Variants in GLI2 observed in about 807,000 individuals in gnomAD.
GLI2 encodes GLI family zinc finger 2.
A neutral mutation model predicts 78.9 loss-of-function variants in GLI2; 22 were observed. The observed-to-expected ratio is 0.28, with a 90% confidence interval of 0.20 to 0.40. GLI2 has a LOEUF of 0.40. Among genes scored for constraint, GLI2 ranks in the 10% least tolerant of loss-of-function variants. The probability of loss-of-function intolerance (pLI) is 1.00; values close to 1 mark genes in which losing one functional copy is unlikely to be tolerated. For synonymous variants in GLI2, 974 were observed against 963.7 expected, an observed-to-expected ratio of 1.01 and a Z score of -0.20; for missense variants, 2,097 against 2,213.2, an observed-to-expected ratio of 0.95 and a Z score of 1.05.
chr2:120,975,962 T>C (rs3768696), intron 9 of GLI2, among the ~76,000 whole-genome samples: 48,597 of 151,712 alleles, frequency 0.32, 8,099 homozygotes, highest in East Asian at 0.5. Flanking sequence ...CTTAGTGCCT[T>C]GCAGACATTC....
chr2:120,770,098 C>T (rs1032868140), intron 1 of GLI2, among the ~76,000 whole-genome samples: 1 of 152,300 alleles, frequency 6.6e-6, no homozygotes, highest in South Asian at 2.1e-4. Context: ...GGGTTGTATT[C>T]AGGGATCCAA....
intron 1 of GLI2, among the ~76,000 whole-genome samples, chr2:120,754,080 T>G (rs1682966981): frequency 6.6e-6 from 1 of 152,186 alleles, no homozygotes; most frequent in Non-Finnish European, 1.5e-5. Context: ...GGGATTTTAG[T>G]GTAACCATCA....
chr2:120,743,935 A>G (rs1273784420), intron 1 of GLI2, among the ~76,000 whole-genome samples: 1 of 152,254 alleles, frequency 6.6e-6, no homozygotes, highest in African/African-American at 2.4e-5. Flanking sequence ...GTGCCTGTCA[A>G]GGAATATGTC....
chr2:120,814,610 T>C (rs1409012706), intron 2 of GLI2, among the ~76,000 whole-genome samples: 2 of 152,144 alleles, frequency 1.3e-5, no homozygotes, highest in Non-Finnish European at 2.9e-5. Context: ...GGCAAGAGCA[T>C]TACCACCTGA....
intron 3 of GLI2, among the ~76,000 whole-genome samples, chr2:120,948,455 A>G (rs1680821613): frequency 1.3e-5 from 2 of 152,124 alleles, no homozygotes. Context: ...TACCTTCCCC[A>G]AATGGTGGCA....
chr2:120,766,027 C>T (rs1024580148), intron 1 of GLI2, among the ~76,000 whole-genome samples: 5 of 152,106 alleles, frequency 3.3e-5, no homozygotes, highest in Middle Eastern at 3.4e-3. Context: ...GGCAAGGTCT[C>T]GGAGACGTCT....
At chr2:120,783,749 T>C (rs1256726726) in intron 1 of GLI2, among the ~76,000 whole-genome samples, 2 of 152,108 alleles carry the variant, frequency 1.3e-5, no homozygotes, top group Non-Finnish European at 2.9e-5. Flanking sequence ...CCTCCATCCC[T>C]CTCCATACTA....
At chr2:120,790,103 T>TGTTG (rs1372163776) in intron 1 of GLI2, among the ~76,000 whole-genome samples, 4 of 152,224 alleles carry the variant, frequency 2.6e-5, no homozygotes, top group Non-Finnish European at 5.9e-5. Context: ...ATGGGAACCA[T>TGTTG]GGATCCCAGG....
intron 4 of GLI2, among the ~76,000 whole-genome samples, chr2:120,954,932 T>C (rs1332479685): frequency 2.6e-5 from 4 of 152,052 alleles, no homozygotes; most frequent in Non-Finnish European, 5.9e-5. Flanking sequence ...CCTGTTGGCA[T>C]GGGGCTCCGG....
At chr2:120,770,368 G>T (rs983477300) in intron 1 of GLI2, among the ~76,000 whole-genome samples, 2 of 152,184 alleles carry the variant, frequency 1.3e-5, no homozygotes, top group African/African-American at 4.8e-5. Flanking sequence ...CCAGCTTCAG[G>T]ACCCATAGGG....
chr2:120,861,852 C>T (rs1251443151), intron 2 of GLI2, among the ~76,000 whole-genome samples: 1 of 152,222 alleles, frequency 6.6e-6, no homozygotes, highest in Admixed American at 6.5e-5. Context: ...CGCCTGACCA[C>T]AGTGGAATTG....
chr2:120,978,597 TC>T lies in GLI2; in HGVS notation c.1467+18del. On this transcript the variant is annotated intron_variant, in intron 10 of 13. Coordinates refer to ENST00000361492, the MANE Select transcript of GLI2 (RefSeq NM_001374353.1). ...CACAAGTGCACGGTGAGTGGCCTTC[TC>T]CCCACCCCCGCCGCAGCATCAAGAC... 1 of 1,607,896 alleles carries T rather than the reference TC, an allele frequency of 6.2e-7. No homozygotes were observed. The highest frequency in any genetic ancestry group is 8.5e-7 in the Non-Finnish European group (1 of 1,176,962).
At chr2:120,978,152 C>T (rs533660916) in intron 9 of GLI2, among the ~76,000 whole-genome samples, 5 of 152,260 alleles carry the variant, frequency 3.3e-5, no homozygotes, top group African/African-American at 9.6e-5. Context: ...ATAAGCGGCA[C>T]GCAGTAGGCC....
chr2:120,930,060 T>G (rs1679876016), intron 3 of GLI2, among the ~76,000 whole-genome samples: 1 of 152,190 alleles, frequency 6.6e-6, no homozygotes, highest in Non-Finnish European at 1.5e-5. Flanking sequence ...TGCCTCAAAG[T>G]GCTCCCTGCA....
intron 2 of GLI2, among the ~76,000 whole-genome samples, chr2:120,810,632 G>A (rs1186407200): frequency 6.6e-6 from 1 of 152,226 alleles, no homozygotes; most frequent in African/African-American, 2.4e-5. Flanking sequence ...AAGGGATGAG[G>A]ATACAGGGAG....
intron 2 of GLI2, among the ~76,000 whole-genome samples, chr2:120,854,707 G>A (rs1687564072): frequency 1.3e-5 from 2 of 152,378 alleles, no homozygotes; most frequent in South Asian, 2.1e-4. Context: ...TGGACTTCTT[G>A]AGTGCTCGCT....
intron 1 of GLI2, 84 bp from the exon 2 acceptor site, chr2:120,797,207 G>A: frequency 5.1e-6 from 5 of 984,110 alleles, no homozygotes; most frequent in East Asian, 2.4e-5. Context: ...TGCTTTAGGA[G>A]CGAGCGGCGG....
At chr2:120,807,324 G>C (rs955942005) in intron 2 of GLI2, among the ~76,000 whole-genome samples, 1 of 152,170 alleles carries the variant, frequency 6.6e-6, no homozygotes, top group Non-Finnish European at 1.5e-5. Context: ...AGGCCAAAAT[G>C]CGTATCTTTG....
At chr2:120,898,410 T>C (rs981399323) in intron 2 of GLI2, among the ~76,000 whole-genome samples, 2 of 152,218 alleles carry the variant, frequency 1.3e-5, no homozygotes, top group Non-Finnish European at 2.9e-5. Flanking sequence ...CAAATGGATG[T>C]GAGCGAGGGC....
Sources: allele counts gnomAD v4.1 joint callset (sites outside exome capture counted in the v4.1 genomes callset), GRCh38; gene constraint gnomAD v4.1.1; transcripts MANE v1.5; gene names NCBI Gene and HGNC (gene_info 2026-07-23, HGNC 2026-07-21).